Variants in TMEM248 observed in about 807,000 individuals in gnomAD.
TMEM248 encodes UPF0458 protein C7orf42.
In TMEM248, 9 loss-of-function variants were observed where a neutral mutation model predicts 30.3. The ratio of observed to expected loss-of-function variants is 0.30; its 90% CI spans 0.18 to 0.52. TMEM248 has a LOEUF of 0.52. Ranked by LOEUF, TMEM248 falls within the 20% of genes least tolerant of loss-of-function variation. The pLI is 0.97. For missense variants in TMEM248, 338 were observed against 403.3 expected (o/e 0.84, Z 1.39); for synonymous variants, 184 against 154.4 (o/e 1.19, Z -1.42).
At chr7:66,950,008 C>T (rs1470445105) in intron 4 of TMEM248, among the ~76,000 whole-genome samples, 1 of 152,102 alleles carries the variant, frequency 6.6e-6, no homozygotes, top group Non-Finnish European at 1.5e-5. Flanking sequence ...TTAAACATTA[C>T]TTTGTGTTGC....
At chr7:66,930,755 G>C (rs118181893) in intron 1 of TMEM248, 23 of 152,696 alleles carry the variant, frequency 1.5e-4, no homozygotes, top group African/African-American at 5.3e-4. Flanking sequence ...ATCTGGCATC[G>C]CATCGATGAC....
At chr7:66,925,320 CT>C (rs558511022) in intron 1 of TMEM248, among the ~76,000 whole-genome samples, 161 of 152,294 alleles carry the variant, frequency 1.1e-3, no homozygotes, top group African/African-American at 3.6e-3. Context: ...CCAAAAATAA[CT>C]GTATTAACTA....
Position 66,957,293 on chromosome 7 carries a change from C to G in TMEM248, c.*1771C>G, listed in dbSNP as rs878964161. 2.6e-5 allele frequency: 4 copies of G among 152,326 alleles called. No homozygotes were observed. In the South Asian group the frequency reaches 8.3e-4, roughly 32 times the overall value. 9.4% of individuals were successfully genotyped at this position (152,326 alleles called of 1,614,324 possible). A position where few individuals can be genotyped will look rare whatever the true frequency, so the allele number is the denominator to read the frequency against. Reference sequence around the variant, plus strand: ...TACATTGGCCTAGAACATTTTATCCCAGGCATTTTTGAATAGAAAACAGTT... The same window carrying G: ...TACATTGGCCTAGAACATTTTATCCGAGGCATTTTTGAATAGAAAACAGTT... On this transcript the variant is annotated 3_prime_UTR_variant, in exon 7 of 7. Transcript: ENST00000341567.
intron 1 of TMEM248, among the ~76,000 whole-genome samples, chr7:66,939,657 C>G (rs1791895499): frequency 6.6e-6 from 1 of 152,212 alleles, no homozygotes; most frequent in Non-Finnish European, 1.5e-5. Flanking sequence ...GGCAAAATCT[C>G]CACTCTCACT....
intron 3 of TMEM248, among the ~76,000 whole-genome samples, chr7:66,947,724 T>C (rs1357368109): frequency 6.6e-6 from 1 of 151,664 alleles, no homozygotes; most frequent in African/African-American, 2.4e-5. Context: ...TAATTTTATT[T>C]TAATATTTTA....
At chr7:66,953,145 C>T (rs1792312862) in intron 5 of TMEM248, 81 bp from the exon 6 acceptor site, 1 of 1,494,868 alleles carries the variant, frequency 6.7e-7, no homozygotes, top group Non-Finnish European at 9.1e-7. Context: ...GGCTGTCAAT[C>T]CTGTCTCTCA....
intron 3 of TMEM248, among the ~76,000 whole-genome samples, chr7:66,948,143 G>GAAA (rs1792161367): frequency 6.6e-6 from 1 of 152,130 alleles, no homozygotes; most frequent in South Asian, 2.1e-4. Flanking sequence ...TGTAAAAGGG[G>GAAA]AACAGCTGCA....
At chr7:66,954,071 G>C (rs1285036393) in intron 6 of TMEM248, among the ~76,000 whole-genome samples, 3 of 150,686 alleles carry the variant, frequency 2.0e-5, no homozygotes, top group Non-Finnish European at 4.4e-5. Flanking sequence ...AGCCTCGAGA[G>C]TAGCTGGGAT....
intron 2 of TMEM248, among the ~76,000 whole-genome samples, chr7:66,944,400 T>G (rs570819760): frequency 1.2e-4 from 19 of 152,166 alleles, no homozygotes; most frequent in Non-Finnish European, 2.5e-4. Context: ...CCACCGTACC[T>G]GGCCCCTTCC....
At chr7:66,940,861 T>A (rs976498391) in intron 1 of TMEM248, among the ~76,000 whole-genome samples, 2 of 152,226 alleles carry the variant, frequency 1.3e-5, no homozygotes, top group African/African-American at 4.8e-5. Flanking sequence ...ATCCTCACTT[T>A]CTTTCTGTAC....
chr7:66,949,100 A>G (rs566591311), intron 4 of TMEM248, among the ~76,000 whole-genome samples: 2 of 151,930 alleles, frequency 1.3e-5, no homozygotes, highest in Middle Eastern at 3.4e-3. Flanking sequence ...CCGGAGTTCA[A>G]GACCAGCCTG....
intron 1 of TMEM248, among the ~76,000 whole-genome samples, chr7:66,922,637 G>C (rs1791414700): frequency 6.6e-6 from 1 of 152,096 alleles, no homozygotes; most frequent in Non-Finnish European, 1.5e-5. Context: ...AATCACCAAA[G>C]GCTAGTTAAC....
In TMEM248 at chr7:66,955,777, C is replaced by G; in HGVS notation, c.*255C>G. On this transcript the variant is annotated 3_prime_UTR_variant, in exon 7 of 7. Transcript: ENST00000341567. ...ACCCCACCTTGGACTTGAGGACCTA[C>G]CTGATGGGACGTTTCCACGTGTCTC... is the stretch of plus-strand genomic sequence containing the variant. The G allele has an allele frequency of 2.1e-6, 1 of 471,228 alleles. No individual in the cohort carries two copies. The highest frequency in any genetic ancestry group is 3.7e-6 in the Non-Finnish European group (1 of 269,690). 29.2% of individuals were successfully genotyped at this position (471,228 alleles called of 1,614,324 possible).
At position 66,955,730 on chromosome 7, in the gene TMEM248, T is replaced by A; in HGVS notation, c.*208T>A. On this transcript the variant is annotated 3_prime_UTR_variant, in exon 7 of 7. Coordinates refer to ENST00000341567, the MANE Select transcript of TMEM248 (RefSeq NM_017994.5). Reference sequence around the variant, plus strand: ...GTCCAATAATGCACGTGCTTTGCCCTGGGTACAGCCAGAGCCCTTCAACCC... The same window carrying A: ...GTCCAATAATGCACGTGCTTTGCCCAGGGTACAGCCAGAGCCCTTCAACCC... 1.6e-6 allele frequency: 1 copy of A among 621,080 alleles called. No homozygotes were observed. Among genetic ancestry groups the A allele is most frequent in the Non-Finnish European group, 2.7e-6 (1 of 373,030 alleles). The allele number at this position is 621,080 out of a possible 1,614,324, so 38.5% of individuals were successfully genotyped here.
chr7:66,943,861 G>A (rs1047299911), intron 2 of TMEM248, among the ~76,000 whole-genome samples: 3 of 151,560 alleles, frequency 2.0e-5, no homozygotes, highest in Non-Finnish European at 4.4e-5. Context: ...TCAGTGGCGC[G>A]ATCTTGGCTC....
chr7:66,950,823 G>A (rs761298620), intron 4 of TMEM248, 129 bp from the exon 5 acceptor site: 16 of 627,850 alleles, frequency 2.5e-5, no homozygotes, highest in Non-Finnish European at 3.7e-5. Context: ...AAGCATGAAC[G>A]TGTAAGTTAC....
rs1359441021 is a variant in TMEM248, at chr7:66,951,073, A to G, written c.718A>G (p.Lys240Glu). The change falls in exon 5 of 7, where the codon AAG (lysine) becomes GAG (glutamate). Residue 240 changes from lysine to glutamate, a missense_variant. By Grantham distance (56) the Lys-to-Glu change is moderately conservative (BLOSUM62 1). Coordinates refer to ENST00000341567, the MANE Select transcript of TMEM248 (RefSeq NM_017994.5). ...AQDYNPFWCY[K>E]GAIGKVYHAL... ...AGATTACAATCCTTTCTGGTGTTAT[A>G]AGGGGGCCATTGGAAAAGTCTATCA... is the stretch of plus-strand genomic sequence containing the variant. 6.2e-7 allele frequency: 1 copy of G among 1,610,860 alleles called. No homozygotes were observed. Among genetic ancestry groups the G allele is most frequent in the Admixed American group, 1.7e-5 (1 of 58,734 alleles).
intron 1 of TMEM248, among the ~76,000 whole-genome samples, chr7:66,931,031 G>A (rs914293120): frequency 1.3e-5 from 2 of 152,042 alleles, no homozygotes; most frequent in Non-Finnish European, 2.9e-5. Context: ...GGCCTGGTGT[G>A]GTGGTTTGTG....
intron 1 of TMEM248, chr7:66,930,798 G>A (rs574535451): frequency 2.0e-5 from 3 of 152,642 alleles, no homozygotes; most frequent in Admixed American, 2.0e-4. Context: ...TTGTAACCCC[G>A]GCCTTAAAGC....
Sources: gnomAD v4.1 joint callset for allele counts (sites outside exome capture counted in the v4.1 genomes callset) on GRCh38, gnomAD v4.1.1 for gene constraint, MANE v1.5 for transcripts, NCBI Gene and HGNC (gene_info 2026-07-23, HGNC 2026-07-21) for gene names.